AGBL1: variants seen among roughly 807,000 people sequenced by gnomAD.
AGBL1 encodes the protein cytosolic carboxypeptidase 4.
A neutral mutation model predicts 118.9 loss-of-function variants in AGBL1; 130 were observed. That is an observed-to-expected ratio of 1.09 (90% CI 0.95 to 1.26). AGBL1 has a LOEUF of 1.26. Among genes scored for constraint, AGBL1 ranks in the 50% most tolerant of loss-of-function variants. The pLI, the probability that AGBL1 is intolerant of heterozygous loss-of-function variation, is 0.00. For synonymous variants in AGBL1, 555 were observed against 478.9 expected (o/e 1.16, Z -2.08); for missense variants, 1,584 against 1,298.1 (o/e 1.22, Z -3.38).
At chr15:86,669,494 G>C (rs1195793802) in intron 21 of AGBL1, among the ~76,000 whole-genome samples, 2 of 151,810 alleles carry the variant, frequency 1.3e-5, no homozygotes, top group Non-Finnish European at 2.9e-5. Context: ...GTAAGGGAGA[G>C]GCAATATTCA....
intron 15 of AGBL1, among the ~76,000 whole-genome samples, chr15:86,277,856 C>T (rs2079282712): frequency 6.6e-6 from 1 of 152,234 alleles, no homozygotes. Context: ...TGTGTGCACT[C>T]ACACATATGT....
intron 17 of AGBL1, among the ~76,000 whole-genome samples, chr15:86,347,289 G>T (rs898471930): frequency 6.6e-5 from 10 of 152,192 alleles, no homozygotes. Context: ...TAACTAGATG[G>T]TTACTAGAAA....
At chr15:86,188,587 G>C (rs955915276) in intron 5 of AGBL1, among the ~76,000 whole-genome samples, 2 of 152,182 alleles carry the variant, frequency 1.3e-5, no homozygotes, top group Non-Finnish European at 2.9e-5. Flanking sequence ...GAACACAACA[G>C]TGCTGAAAAG....
intron 22 of AGBL1, among the ~76,000 whole-genome samples, chr15:86,816,103 C>G (rs569710886): frequency 6.6e-6 from 1 of 152,008 alleles, no homozygotes; most frequent in Admixed American, 6.6e-5. Context: ...CAGTTAAAAC[C>G]GTAAAAAGAA....
intron 21 of AGBL1, chr15:86,556,319 C>T: frequency 1.3e-6 from 2 of 1,572,562 alleles, no homozygotes; most frequent in Non-Finnish European, 1.7e-6. Context: ...TGAAATTTTC[C>T]AAATGGCTTT....
At chr15:86,157,501 G>C (rs1408610142) in intron 4 of AGBL1, among the ~76,000 whole-genome samples, 2 of 152,156 alleles carry the variant, frequency 1.3e-5, no homozygotes, top group Admixed American at 6.5e-5. Context: ...GCTGAGTTCT[G>C]AGAAGTCCTG....
rs181424846 is a variant in AGBL1, at chr15:86,730,897, G to A, written c.3158+56461G>A. On this transcript the variant is annotated intron_variant, in intron 22 of 22. Coordinates refer to ENST00000614907, the MANE Select transcript of AGBL1 (RefSeq NM_001386094.1). ...GGCTGGAGTGCAGTGGCATGATCTC[G>A]GCTCACTGAAACCTCGGCCTCGTGG... Among the ~76,000 whole-genome samples the A allele has an allele frequency of 2.7e-3, 417 of 152,110 alleles. 1 individual carries two copies. The highest frequency in any genetic ancestry group is 5.1e-3 in the Non-Finnish European group (346 of 67,992).
intron 22 of AGBL1, among the ~76,000 whole-genome samples, chr15:86,901,861 G>A (rs1310053332): frequency 6.6e-6 from 1 of 151,940 alleles, no homozygotes; most frequent in Non-Finnish European, 1.5e-5. Context: ...TTCTGTTGTG[G>A]ATGAATTTTT....
At chr15:86,283,336 C>A (rs1296101370) in intron 16 of AGBL1, among the ~76,000 whole-genome samples, 1 of 151,982 alleles carries the variant, frequency 6.6e-6, no homozygotes, top group Non-Finnish European at 1.5e-5. Flanking sequence ...TATGAAATGA[C>A]AAGAGACAAC....
At chr15:86,436,109 T>A (rs1386868729) in intron 18 of AGBL1, among the ~76,000 whole-genome samples, 1 of 83,172 alleles carries the variant, frequency 1.2e-5, no homozygotes, top group African/African-American at 6.3e-5. Flanking sequence ...TTTTTTTTTT[T>A]GTCCCATTTC....
At chr15:86,791,130 T>A (rs1478589437) in intron 22 of AGBL1, among the ~76,000 whole-genome samples, 1 of 152,218 alleles carries the variant, frequency 6.6e-6, no homozygotes, top group East Asian at 1.9e-4. Context: ...CACACGAACG[T>A]AAAATGATTT....
chr15:86,705,750 T>A (rs769927926), intron 22 of AGBL1, among the ~76,000 whole-genome samples: 4 of 152,170 alleles, frequency 2.6e-5, no homozygotes, highest in Non-Finnish European at 5.9e-5. Flanking sequence ...ACTGGATCTT[T>A]GAGGTGCATT....
At chr15:86,625,374 T>TG (rs2084869356) in intron 21 of AGBL1, among the ~76,000 whole-genome samples, 1 of 47,240 alleles carries the variant, frequency 2.1e-5, no homozygotes, top group African/African-American at 8.3e-5. Flanking sequence ...CGTTTTTTTT[T>TG]TTTTGTTTTT....
chr15:86,187,534 T>C (rs1597512963), intron 5 of AGBL1, among the ~76,000 whole-genome samples: 1 of 152,366 alleles, frequency 6.6e-6, no homozygotes, highest in Non-Finnish European at 1.5e-5. Flanking sequence ...ACTTTCTTAA[T>C]GCTGCTGAGC....
chr15:86,639,268 A>G (rs1186290325), intron 21 of AGBL1, among the ~76,000 whole-genome samples: 1 of 152,188 alleles, frequency 6.6e-6, no homozygotes, highest in Non-Finnish European at 1.5e-5. Flanking sequence ...AAGTCTGCCT[A>G]CCACAATGAC....
intron 21 of AGBL1, among the ~76,000 whole-genome samples, chr15:86,628,289 C>A (rs567616577): frequency 6.6e-6 from 1 of 152,242 alleles, no homozygotes; most frequent in East Asian, 1.9e-4. Flanking sequence ...GCTTTGAGAA[C>A]CCCTAGGCAT....
chr15:86,778,482 G>A (rs2078289227), intron 22 of AGBL1, among the ~76,000 whole-genome samples: 3 of 152,038 alleles, frequency 2.0e-5, no homozygotes, highest in Admixed American at 6.6e-5. Flanking sequence ...CCCCCGAAGC[G>A]GCCATTTCAG....
chr15:86,583,739 G>T (rs934243106), intron 21 of AGBL1, among the ~76,000 whole-genome samples: 2 of 152,108 alleles, frequency 1.3e-5, no homozygotes, highest in Non-Finnish European at 2.9e-5. Flanking sequence ...CAGTAGTTCT[G>T]TTCTAAGTTC....
At chr15:86,877,187 G>A (rs2079822822) in intron 22 of AGBL1, among the ~76,000 whole-genome samples, 1 of 152,062 alleles carries the variant, frequency 6.6e-6, no homozygotes, top group African/African-American at 2.4e-5. Flanking sequence ...TGTGCTCACT[G>A]AGATCTTGTC....
Sources: allele counts gnomAD v4.1 joint callset (sites outside exome capture counted in the v4.1 genomes callset), GRCh38; gene constraint gnomAD v4.1.1; transcripts MANE v1.5; gene names NCBI Gene and HGNC (gene_info 2026-07-23, HGNC 2026-07-21).